WFDC1: variants seen among roughly 807,000 people sequenced by gnomAD.
WFDC1 encodes WAP four-disulfide core domain 1.
In WFDC1, 39 loss-of-function variants were observed where a neutral mutation model predicts 32.9. The ratio of observed to expected loss-of-function variants is 1.19; its 90% CI spans 0.92 to 1.55. The LOEUF (loss-of-function observed/expected upper bound fraction) is 1.55, where lower values mean the gene tolerates loss of function less well. Among genes scored for constraint, WFDC1 ranks in the 40% most tolerant of loss-of-function variants. The pLI, the probability that WFDC1 is intolerant of heterozygous loss-of-function variation, is 0.00. For missense variants in WFDC1, 386 were observed against 309.5 expected, an observed-to-expected ratio of 1.25 and a Z score of -1.85; for synonymous variants, 184 against 137.4, an observed-to-expected ratio of 1.34 and a Z score of -2.37.
At chr16:84,299,844 C>A (rs1754610388) in intron 1 of WFDC1, among the ~76,000 whole-genome samples, 1 of 152,146 alleles carries the variant, frequency 6.6e-6, no homozygotes, top group African/African-American at 2.4e-5. Flanking sequence ...GCTAGAGCAG[C>A]CAGGAGCTGG....
chr16:84,318,841 A>C (rs184290962), intron 3 of WFDC1: 28 of 212,510 alleles, frequency 1.3e-4, no homozygotes, highest in Admixed American at 1.1e-3. Context: ...GTGTTGTGTG[A>C]CTGTGTCCGC....
At chr16:84,319,714 C>T (rs1214731929) in intron 4 of WFDC1, 143 bp downstream of exon 4, 2 of 1,119,506 alleles carry the variant, frequency 1.8e-6, no homozygotes, top group Non-Finnish European at 2.5e-6. Context: ...CATCTTCCCC[C>T]TGCCCGGCTC....
At chr16:84,309,852 TGTGG>T (rs1907506828) in intron 1 of WFDC1, among the ~76,000 whole-genome samples, 1 of 82,398 alleles carries the variant, frequency 1.2e-5, no homozygotes. Flanking sequence ...TACATGTGTG[TGTGG>T]GGGGGGCGTG....
At chr16:84,321,690 A>G (rs552898767) in intron 4 of WFDC1, among the ~76,000 whole-genome samples, 77 of 152,342 alleles carry the variant, frequency 5.1e-4, no homozygotes, top group African/African-American at 1.8e-3. Flanking sequence ...TGACCACACC[A>G]GTGATGCCTA....
At chr16:84,318,168 G>C in intron 2 of WFDC1, 104 bp from the exon 3 acceptor site, 2 of 989,960 alleles carry the variant, frequency 2.0e-6, no homozygotes, top group Non-Finnish European at 3.2e-6. Flanking sequence ...TTCTCCCATG[G>C]GGAGCCTCTG....
chr16:84,295,001 C>G lies in WFDC1; in HGVS notation c.30C>G (p.Ser10Arg). The change falls in exon 1 of 7, where the codon AGC becomes AGG. Residue 10 changes from serine to arginine, a missense_variant. Physicochemically the swap from Ser to Arg is moderately radical, Grantham distance 110. Transcript: ENST00000219454. MPLTGVGPG[S>R]CRRQIIRALC... is the part of the protein sequence containing the mutation. ...CTTTAACCGGCGTGGGGCCGGGCAG[C>G]TGCAGGAGGCAGATCATCCGGGCTC... is the stretch of plus-strand genomic sequence containing the variant. 6.2e-7 allele frequency: 1 copy of G among 1,614,022 alleles called. No homozygotes were observed. Among genetic ancestry groups the G allele is most frequent in the Non-Finnish European group, 8.5e-7 (1 of 1,179,922 alleles).
rs1177228519 is a variant in WFDC1, at chr16:84,319,456, T to C, written c.447T>C (p.Asp149=). ...CAGAGGCGTGCAGCACCACGGAGGATGGGGCCGAACCCCTGCTCTGTCCCT... is the reference window on the plus strand; with the variant it reads ...CAGAGGCGTGCAGCACCACGGAGGACGGGGCCGAACCCCTGCTCTGTCCCT... ...LQAEACSTTE[D]GAEPLLCPSG... The change falls in exon 4 of 7, where the codon GAT becomes GAC. Residue 149 remains aspartate, a synonymous_variant. Coordinates refer to ENST00000219454, the MANE Select transcript of WFDC1 (RefSeq NM_021197.4). The C allele has an allele frequency of 1.2e-6, 2 of 1,611,386 alleles. No individual in the cohort carries two copies. The highest frequency in any genetic ancestry group is 2.7e-5 in the African/African-American group (2 of 74,850).
At chr16:84,300,154 C>T (rs6564009) in intron 1 of WFDC1, among the ~76,000 whole-genome samples, 6,546 of 152,300 alleles carry the variant, frequency 0.043, 424 homozygotes, top group African/African-American at 0.14. Flanking sequence ...ATCTTTGTAC[C>T]GTAAGCATCT....
chr16:84,311,726 G>C (rs573502447), intron 1 of WFDC1, among the ~76,000 whole-genome samples: 6 of 138,004 alleles, frequency 4.3e-5, no homozygotes, highest in African/African-American at 1.1e-4. Flanking sequence ...TAGTGGAGAA[G>C]GGGTTTCGCT....
chr16:84,298,321 C>T (rs1430185529), intron 1 of WFDC1, among the ~76,000 whole-genome samples: 1 of 152,002 alleles, frequency 6.6e-6, no homozygotes, highest in African/African-American at 2.4e-5. Flanking sequence ...TCTCAAACTC[C>T]TGAGCTCAGG....
At chr16:84,301,084 CAT>C (rs1339075565) in intron 1 of WFDC1, among the ~76,000 whole-genome samples, 1 of 152,088 alleles carries the variant, frequency 6.6e-6, no homozygotes, top group Non-Finnish European at 1.5e-5. Flanking sequence ...ACAAGAGACA[CAT>C]GAGGGACCAG....
chr16:84,328,490 G>A (rs1908732862), intron 6 of WFDC1: 1 of 152,232 alleles, frequency 6.6e-6, no homozygotes, highest in African/African-American at 2.4e-5. Context: ...AAAATCTGGA[G>A]CCCGTAGGGA....
At chr16:84,306,225 T>C (rs890472305) in intron 1 of WFDC1, among the ~76,000 whole-genome samples, 3 of 152,104 alleles carry the variant, frequency 2.0e-5, no homozygotes, top group African/African-American at 4.8e-5. Context: ...CGCACAGCCA[T>C]GGGGTTCAAA....
In WFDC1 at chr16:84,312,962, C is replaced by T. The variant is rs1907723107; in HGVS notation, c.146C>T (p.Ala49Val). ...LPARLAEKSR[A>V]EEAGAPGGPR... Reference sequence around the variant, plus strand: ...GCTGACACCGCCCTCTCCCCGCAGGCCGAGGAGGCGGGCGCGCCCGGCGGC... The same window carrying T: ...GCTGACACCGCCCTCTCCCCGCAGGTCGAGGAGGCGGGCGCGCCCGGCGGC... The change falls in exon 2 of 7, where the codon GCC becomes GTC. Residue 49 changes from alanine (A) to valine (V), a missense_variant and splice_region_variant. By Grantham distance (64) the Ala-to-Val change is moderately conservative. Coordinates refer to ENST00000219454, the MANE Select transcript of WFDC1 (RefSeq NM_021197.4). The T allele has an allele frequency of 8.6e-7, 1 of 1,158,332 alleles. No homozygotes were observed. The highest frequency in any genetic ancestry group is 1.1e-6 in the Non-Finnish European group (1 of 941,680). The allele number at this position is 1,158,332 out of a possible 1,614,324, so 71.8% of individuals were successfully genotyped here.
At chr16:84,328,372 T>TGCTG (rs1908725824) in intron 6 of WFDC1, 1 of 152,212 alleles carries the variant, frequency 6.6e-6, no homozygotes, top group Non-Finnish European at 1.5e-5. Context: ...CCCCTGTGAA[T>TGCTG]GCTGGATAGC....
chr16:84,318,212 A>C lies in WFDC1; in HGVS notation c.338-60A>C, dbSNP rs1179827312. The C allele has an allele frequency of 1.9e-6, 3 of 1,571,042 alleles. No homozygotes were observed. In the African/African-American group the frequency reaches 4.1e-5, roughly 21 times the overall value. ...TGAAGTTGGGGTGCCCCCAGCCCCC[A>C]AGCCTGGGCGTTTCTCAGCTGCTTG... is the stretch of plus-strand genomic sequence containing the variant. On this transcript the variant is annotated intron_variant, in intron 2 of 6. Coordinates refer to ENST00000219454, the MANE Select transcript of WFDC1 (RefSeq NM_021197.4).
At chr16:84,313,213 C>G in intron 2 of WFDC1, 60 bp downstream of exon 2, 2 of 1,324,566 alleles carry the variant, frequency 1.5e-6, no homozygotes, top group Non-Finnish European at 1.9e-6. Flanking sequence ...AGAGCTGTCC[C>G]GGGGGAGGGG....
intron 2 of WFDC1, 33 bp from the exon 3 acceptor site, chr16:84,318,239 G>A: frequency 6.2e-7 from 1 of 1,611,002 alleles, no homozygotes; most frequent in Non-Finnish European, 8.5e-7. Context: ...AGCTGCTTGA[G>A]GAGGGCCCTG....
rs1207251469 is a variant in WFDC1, at chr16:84,329,806, G to C, written c.*500G>C. 6.6e-6 allele frequency: 1 copy of C among 152,220 alleles called. No homozygotes were observed. Among genetic ancestry groups the C allele is most frequent in the African/African-American group, 2.4e-5 (1 of 41,438 alleles). The allele number at this position is 152,220 out of a possible 1,614,324, so 9.4% of individuals were successfully genotyped here. A position where few individuals can be genotyped will look rare whatever the true frequency, so the allele number is the denominator to read the frequency against. On this transcript the variant is annotated 3_prime_UTR_variant, in exon 7 of 7. Coordinates refer to ENST00000219454, the MANE Select transcript of WFDC1 (RefSeq NM_021197.4). ...TGCTGAGGCCTAAATGTTAGCAGGT[G>C]GGAGGAGGCCACAGAACAATAAAAA... is the stretch of plus-strand genomic sequence containing the variant.
Sources: gnomAD v4.1 joint callset for allele counts (sites outside exome capture counted in the v4.1 genomes callset) on GRCh38, gnomAD v4.1.1 for gene constraint, MANE v1.5 for transcripts, NCBI Gene and HGNC (gene_info 2026-07-23, HGNC 2026-07-21) for gene names.